Variants in MYO5A observed in about 807,000 individuals in gnomAD.
The protein encoded by MYO5A is unconventional myosin-Va.
In MYO5A, 98 loss-of-function variants were observed where a neutral mutation model predicts 249.7. The ratio of observed to expected loss-of-function variants is 0.39; its 90% CI spans 0.33 to 0.46. The LOEUF (loss-of-function observed/expected upper bound fraction) is 0.46. Among genes scored for constraint, MYO5A ranks in the 20% least tolerant of loss-of-function variants. The pLI is 0.98. For missense variants in MYO5A, 1,696 were observed against 2,308.8 expected (o/e 0.73, Z 5.44); for synonymous variants, 778 against 810.6 (o/e 0.96, Z 0.68).
chr15:52,379,690 T>C lies in MYO5A; in HGVS notation c.2143A>G (p.Lys715Glu). 1.2e-6 allele frequency: 2 copies of C among 1,614,190 alleles called. No individual in the cohort carries two copies. Among genetic ancestry groups the C allele is most frequent in the Non-Finnish European group, 1.7e-6 (2 of 1,180,024 alleles). The part of the protein sequence containing the change: ...EFFSRYRVLM[K>E]QKDVLSDRKQ... ...CTGTCACTCAGCACATCTTTCTGCT[T>C]CATTAGGACACGGTAGCGGCTGAAA... Residue 715 changes from lysine (K) to glutamate (E), a missense_variant, in exon 18 of 42, where the codon AAG (lysine) becomes GAG (glutamate). Coordinates refer to ENST00000399233, the MANE Select transcript of MYO5A (RefSeq NM_001382347.1).
intron 24 of MYO5A, among the ~76,000 whole-genome samples, chr15:52,360,473 A>G (rs1430181023): frequency 6.6e-6 from 1 of 152,190 alleles, no homozygotes; most frequent in Non-Finnish European, 1.5e-5. Context: ...AACCTCATAA[A>G]ATATATTGAA....
Position 52,376,495 on chromosome 15 carries a change from G to A in MYO5A, c.2272C>T (p.Leu758=), listed in dbSNP as rs768939399. 8.1e-6 allele frequency: 13 copies of A among 1,614,164 alleles called. No individual in the cohort carries two copies. Among genetic ancestry groups the A allele is most frequent in the Middle Eastern group, 1.7e-4 (1 of 6,060 alleles). ...AGTTTGTCAGCTCTCAATTTTTCTA[G>A]ATAGGCCACTTGACCGGCACGGAAA... The part of the protein sequence containing the change: ...IFFRAGQVAY[L]EKLRADKLRA... Residue 758 remains leucine (L), a synonymous_variant, in exon 19 of 42, where the codon CTA becomes TTA. Coordinates refer to ENST00000399233, the MANE Select transcript of MYO5A (RefSeq NM_001382347.1).
intron 32 of MYO5A, among the ~76,000 whole-genome samples, chr15:52,339,244 G>C (rs2039269519): frequency 6.6e-6 from 1 of 152,136 alleles, no homozygotes. Context: ...TGGAGTAATG[G>C]AGGGATAATT....
intron 1 of MYO5A, among the ~76,000 whole-genome samples, chr15:52,486,525 C>T (rs557825001): frequency 1.4e-4 from 22 of 152,206 alleles, no homozygotes; most frequent in South Asian, 1.0e-3. Context: ...TTATTTTCTT[C>T]CCATTTTAAA....
At chr15:52,320,521 G>A (rs2038249128) in intron 38 of MYO5A, among the ~76,000 whole-genome samples, 1 of 152,152 alleles carries the variant, frequency 6.6e-6, no homozygotes, top group Non-Finnish European at 1.5e-5. Flanking sequence ...GTGCTTTAAT[G>A]ACGTTTTAAG....
chr15:52,412,446 G>A (rs1016772446), intron 5 of MYO5A, among the ~76,000 whole-genome samples: 5 of 152,176 alleles, frequency 3.3e-5, no homozygotes, highest in African/African-American at 4.8e-5. Context: ...TTAGAAGCCC[G>A]AAGACCTATC....
chr15:52,324,468 T>C (rs569396559), intron 36 of MYO5A, among the ~76,000 whole-genome samples: 2 of 152,352 alleles, frequency 1.3e-5, no homozygotes, highest in East Asian at 1.9e-4. Flanking sequence ...GTCACAAAAA[T>C]ATCAATGTTT....
chr15:52,472,832 G>C, intron 1 of MYO5A, among the ~76,000 whole-genome samples: 1 of 152,176 alleles, frequency 6.6e-6, no homozygotes, highest in South Asian at 2.1e-4. Context: ...TTGCTATTGT[G>C]AATAGTACCT....
chr15:52,358,956 G>C (rs1219005891), intron 25 of MYO5A, among the ~76,000 whole-genome samples: 1 of 152,126 alleles, frequency 6.6e-6, no homozygotes, highest in Admixed American at 6.5e-5. Context: ...AGAATCCCTG[G>C]ATGGAAGTCA....
chr15:52,425,232 T>A (rs955490961), intron 4 of MYO5A, among the ~76,000 whole-genome samples: 1 of 152,236 alleles, frequency 6.6e-6, no homozygotes, highest in African/African-American at 2.4e-5. Context: ...ACCACTACAC[T>A]AATCCTTTCA....
intron 4 of MYO5A, among the ~76,000 whole-genome samples, chr15:52,420,281 G>A (rs1040369906): frequency 1.3e-5 from 2 of 149,600 alleles, no homozygotes; most frequent in Non-Finnish European, 3.0e-5. Context: ...CCCTTGCCTG[G>A]GTGACATAGT....
intron 1 of MYO5A, among the ~76,000 whole-genome samples, chr15:52,444,029 T>G (rs1292873543): frequency 6.6e-6 from 1 of 151,972 alleles, no homozygotes; most frequent in East Asian, 1.9e-4. Flanking sequence ...CTCCAGACAC[T>G]GAAATTATCA....
intron 1 of MYO5A, among the ~76,000 whole-genome samples, chr15:52,470,895 C>T (rs56317843): frequency 0.15 from 22,789 of 150,590 alleles, 1,819 homozygotes; most frequent in Middle Eastern, 0.23. Flanking sequence ...TGGTGACAGG[C>T]GCCTGTAGTC....
intron 1 of MYO5A, among the ~76,000 whole-genome samples, chr15:52,491,868 A>C (rs1279670923): frequency 6.6e-6 from 1 of 152,220 alleles, no homozygotes; most frequent in Non-Finnish European, 1.5e-5. Context: ...GAAACTATGC[A>C]GGAAAAATGA....
At chr15:52,314,348 G>A in intron 40 of MYO5A, 145 bp from the exon 41 acceptor site, 1 of 665,958 alleles carries the variant, frequency 1.5e-6, no homozygotes, top group East Asian at 2.7e-5. Context: ...GGAGGAGCTG[G>A]TCTGCACATT....
chr15:52,379,593 G>A (rs1946925988), intron 18 of MYO5A, 32 bp downstream of exon 18: 7 of 1,588,058 alleles, frequency 4.4e-6, no homozygotes, highest in Admixed American at 3.3e-5. Context: ...AAGGCCTTCT[G>A]CTCAGATGAC....
intron 34 of MYO5A, among the ~76,000 whole-genome samples, chr15:52,332,600 G>A (rs2038940393): frequency 6.6e-6 from 1 of 152,178 alleles, no homozygotes; most frequent in Admixed American, 6.5e-5. Flanking sequence ...TCTTTGCAAA[G>A]CTCACAAATG....
At chr15:52,393,384 GT>G (rs141856642) in intron 11 of MYO5A, among the ~76,000 whole-genome samples, 2,685 of 146,656 alleles carry the variant, frequency 0.018, 52 homozygotes, top group South Asian at 0.059. Context: ...CATTTGCAGT[GT>G]TTTTTTTTTC....
At position 52,311,112 on chromosome 15, in the gene MYO5A, G is replaced by A. The variant is rs1023824447; in HGVS notation, c.*2584C>T. 1.3e-5 allele frequency: 2 copies of A among 152,418 alleles called. No homozygotes were observed. Among genetic ancestry groups the A allele is most frequent in the Non-Finnish European group, 2.9e-5 (2 of 68,244 alleles). The allele number at this position is 152,418 out of a possible 1,614,324, so 9.4% of individuals were successfully genotyped here. A position where few individuals can be genotyped will look rare whatever the true frequency, so the allele number is the denominator to read the frequency against. ...CAGGACAAAGACAGGAGATGGGAGA[G>A]AAGGGCTCAGACCACAGCCTTTCTT... On this transcript the variant is annotated 3_prime_UTR_variant, in exon 42 of 42. Coordinates refer to ENST00000399233, the MANE Select transcript of MYO5A (RefSeq NM_001382347.1).
Sources: allele counts gnomAD v4.1 joint callset (sites outside exome capture counted in the v4.1 genomes callset), GRCh38; gene constraint gnomAD v4.1.1; transcripts MANE v1.5; gene names NCBI Gene and HGNC (gene_info 2026-07-23, HGNC 2026-07-21).